Variants in RNF17 observed in about 807,000 individuals in gnomAD.
RNF17 encodes spermatogenesis associated 23.
Under a neutral mutation model 200.5 loss-of-function variants are expected in RNF17, and 31 were observed. That is an observed-to-expected ratio of 0.15 (90% CI 0.12 to 0.21). The LOEUF (loss-of-function observed/expected upper bound fraction) is 0.21. RNF17 is among the 10% of genes least tolerant of loss of function. The probability of loss-of-function intolerance (pLI) is 1.00; values close to 1 mark genes in which losing one functional copy is unlikely to be tolerated. For missense variants in RNF17, 1,628 were observed against 1,905.1 expected (o/e 0.85, Z 2.71); for synonymous variants, 606 against 637.8 (o/e 0.95, Z 0.75).
intron 24 of RNF17, among the ~76,000 whole-genome samples, chr13:24,852,399 A>G (rs149205344): frequency 0.017 from 2,599 of 152,082 alleles, 76 homozygotes; most frequent in African/African-American, 0.059. Flanking sequence ...TGGCCTCCCA[A>G]AGTGCTGGGA....
At chr13:24,808,092 T>A (rs1272407016) in intron 15 of RNF17, among the ~76,000 whole-genome samples, 2 of 151,384 alleles carry the variant, frequency 1.3e-5, no homozygotes, top group African/African-American at 2.4e-5. Flanking sequence ...TGCCTCCAGC[T>A]TTGTTCTTTT....
chr13:24,792,889 A>G (rs186490672), intron 9 of RNF17, among the ~76,000 whole-genome samples, 153 bp from the exon 10 acceptor site: 28 of 152,296 alleles, frequency 1.8e-4, no homozygotes, highest in African/African-American at 6.5e-4. Context: ...ATGGAGTAGA[A>G]TGGATAAATA....
chr13:24,789,232 C>A, intron 7 of RNF17, 116 bp from the exon 8 acceptor site: 2 of 679,504 alleles, frequency 2.9e-6, no homozygotes, highest in Non-Finnish European at 5.2e-6. Flanking sequence ...CAAATTGAGC[C>A]TGAATGCAAT....
At position 24,861,319 on chromosome 13, in the gene RNF17, T is replaced by G. The variant is rs778902147; in HGVS notation, c.3826T>G (p.Tyr1276Asp). 1.3e-6 allele frequency: 2 copies of G among 1,594,842 alleles called. No individual in the cohort carries two copies. The highest frequency in any genetic ancestry group is 1.7e-6 in the Non-Finnish European group (2 of 1,169,012). Residue 1276 changes from tyrosine to aspartate, a missense_variant, in exon 27 of 36, where the codon TAC becomes GAC. By Grantham distance (160) the Tyr-to-Asp change is radical. Coordinates refer to ENST00000255324, the MANE Select transcript of RNF17 (RefSeq NM_031277.3). ...TGAAAAGATTCCGCAGTGCCATCTTTACCCTATTTTGCTGTATCCTGATAT... is the reference window on the plus strand; with the variant it reads ...TGAAAAGATTCCGCAGTGCCATCTTGACCCTATTTTGCTGTATCCTGATAT... ...FTEKIPQCHL[Y>D]PILLYPDIPQ... is the part of the protein sequence containing the mutation.
At chr13:24,876,262 C>A (rs1593506347) in intron 33 of RNF17, among the ~76,000 whole-genome samples, 1 of 152,134 alleles carries the variant, frequency 6.6e-6, no homozygotes, top group Non-Finnish European at 1.5e-5. Flanking sequence ...ATCTTAATTT[C>A]ATTTTTCCAT....
At chr13:24,775,690 A>G (rs1881463502) in intron 3 of RNF17, among the ~76,000 whole-genome samples, 1 of 152,246 alleles carries the variant, frequency 6.6e-6, no homozygotes, top group African/African-American at 2.4e-5. Context: ...ATAAGACTTT[A>G]TACATGTATG....
At chr13:24,815,847 C>T (rs1887340751) in intron 15 of RNF17, among the ~76,000 whole-genome samples, 1 of 152,114 alleles carries the variant, frequency 6.6e-6, no homozygotes, top group Admixed American at 6.6e-5. Context: ...TTTTCTCCTT[C>T]ATCCTGTCAA....
chr13:24,766,907 C>G (rs576163432), intron 1 of RNF17, among the ~76,000 whole-genome samples: 1 of 152,182 alleles, frequency 6.6e-6, no homozygotes, highest in African/African-American at 2.4e-5. Flanking sequence ...CCCTCCTGAC[C>G]TGAATAGTTG....
intron 33 of RNF17, among the ~76,000 whole-genome samples, chr13:24,876,559 C>T (rs1894878378): frequency 6.6e-6 from 1 of 152,222 alleles, no homozygotes; most frequent in African/African-American, 2.4e-5. Context: ...GCAAAGGTTC[C>T]AATTCCTGCA....
intron 16 of RNF17, among the ~76,000 whole-genome samples, chr13:24,827,288 A>C (rs1157139635): frequency 6.6e-6 from 1 of 151,690 alleles, no homozygotes; most frequent in Non-Finnish European, 1.5e-5. Flanking sequence ...TATTAAGGTA[A>C]TCTAAGATCT....
At chr13:24,797,183 G>A (rs1263316422) in intron 11 of RNF17, among the ~76,000 whole-genome samples, 1 of 152,224 alleles carries the variant, frequency 6.6e-6, no homozygotes, top group East Asian at 1.9e-4. Flanking sequence ...TGTCTAAAAT[G>A]TAATACATTC....
chr13:24,854,376 T>G (rs1279268666), intron 25 of RNF17, among the ~76,000 whole-genome samples: 2 of 152,216 alleles, frequency 1.3e-5, no homozygotes, highest in Non-Finnish European at 2.9e-5. Context: ...GTGAGTGCTA[T>G]TCTCAGTATA....
At chr13:24,806,885 A>G (rs1335155250) in intron 15 of RNF17, among the ~76,000 whole-genome samples, 1 of 148,538 alleles carries the variant, frequency 6.7e-6, no homozygotes, top group Non-Finnish European at 1.5e-5. Context: ...ACCTATGAGT[A>G]AGAATATGCG....
downstream of RNF17, chr13:24,884,320 T>C (rs1409461717): frequency 1.9e-6 from 3 of 1,614,026 alleles, no homozygotes; most frequent in Admixed American, 3.3e-5. Flanking sequence ...TCTGGAAACA[T>C]ACCACTCTTT....
chr13:24,827,818 A>G (rs1370594236), intron 16 of RNF17, among the ~76,000 whole-genome samples: 1 of 151,866 alleles, frequency 6.6e-6, no homozygotes, highest in African/African-American at 2.4e-5. Flanking sequence ...TCTGTTTCCA[A>G]GATGGTGCCT....
At chr13:24,748,028 G>C in the RNF17 span, among the ~76,000 whole-genome samples, 22 of 152,200 alleles carry the variant, frequency 1.4e-4, no homozygotes, top group African/African-American at 2.4e-5. Context: ...CTTCCCTCCC[G>C]CTCCGGGCTG....
the RNF17 span, among the ~76,000 whole-genome samples, chr13:24,753,750 A>G: frequency 6.6e-6 from 1 of 152,212 alleles, no homozygotes. Context: ...GTCCCCCATT[A>G]AAAATGTTTT....
chr13:24,822,929 T>A (rs892907892), intron 15 of RNF17, among the ~76,000 whole-genome samples: 1 of 152,220 alleles, frequency 6.6e-6, no homozygotes, highest in Non-Finnish European at 1.5e-5. Context: ...TTGTGTCATA[T>A]CTTTACAGTT....
At chr13:24,769,073 G>A (rs1214781045) in intron 2 of RNF17, among the ~76,000 whole-genome samples, 1 of 146,410 alleles carries the variant, frequency 6.8e-6, no homozygotes, top group Admixed American at 7.0e-5. Context: ...TCCTCATGTG[G>A]TTGTGGTAGT....
Sources: gnomAD v4.1 joint callset for allele counts (sites outside exome capture counted in the v4.1 genomes callset) on GRCh38, gnomAD v4.1.1 for gene constraint, MANE v1.5 for transcripts, NCBI Gene and HGNC (gene_info 2026-07-23, HGNC 2026-07-21) for gene names.